The following RAP1GDS1 variants were observed in gnomAD, a reference collection of about 807,000 sequenced individuals.
The protein encoded by RAP1GDS1 is RAP1, GTP-GDP dissociation stimulator 1.
RAP1GDS1 carries 35 observed loss-of-function variants against 71.1 expected under a neutral mutation model. The observed-to-expected ratio is 0.49, with a 90% confidence interval of 0.38 to 0.65. RAP1GDS1 has a LOEUF of 0.65. Ranked by LOEUF, RAP1GDS1 falls within the 30% of genes least tolerant of loss-of-function variation. The pLI is 0.00. For missense variants in RAP1GDS1, 663 were observed against 706.1 expected, an observed-to-expected ratio of 0.94 and a Z score of 0.69; for synonymous variants, 229 against 243.1, an observed-to-expected ratio of 0.94 and a Z score of 0.54.
rs115697881 is a variant in RAP1GDS1 at position 98,353,581 on chromosome 4, C to T, written c.361+980C>T. ...GTTATAACTCATATATAGCAGTAGT[C>T]GTAAAGCTAGCCTCATTTATTCTCC... On this transcript the variant is annotated intron_variant, in intron 4 of 14. Coordinates refer to ENST00000408927, the MANE Select transcript of RAP1GDS1 (RefSeq NM_001100427.2). 6.3e-3 allele frequency among the ~76,000 whole-genome samples: 952 copies of T among 152,184 alleles called. 9 individuals are homozygous for T. Among genetic ancestry groups the T allele is most frequent in the African/African-American group, 0.022 (893 of 41,532 alleles).
intron 3 of RAP1GDS1, among the ~76,000 whole-genome samples, chr4:98,343,524 A>G (rs1372861722): frequency 1.3e-5 from 2 of 152,100 alleles, no homozygotes; most frequent in Non-Finnish European, 2.9e-5. Context: ...GTTATTTATT[A>G]CTTTGGGTAT....
intron 2 of RAP1GDS1, among the ~76,000 whole-genome samples, chr4:98,329,568 T>C (rs1256784275): frequency 6.6e-6 from 1 of 152,040 alleles, no homozygotes; most frequent in Admixed American, 6.5e-5. Flanking sequence ...GGCAGGCAGA[T>C]CACGAGGTCA....
intron 7 of RAP1GDS1, among the ~76,000 whole-genome samples, chr4:98,411,190 T>C (rs1166214385): frequency 2.0e-5 from 3 of 152,258 alleles, no homozygotes; most frequent in Non-Finnish European, 4.4e-5. Flanking sequence ...TTTTGGTAAA[T>C]GTGCTGGGCT....
intron 4 of RAP1GDS1, among the ~76,000 whole-genome samples, chr4:98,372,171 G>A (rs1740480563): frequency 6.6e-6 from 1 of 151,162 alleles, no homozygotes; most frequent in African/African-American, 2.4e-5. Context: ...TTTTTTTATT[G>A]TTTGTTTTTG....
At chr4:98,261,710 A>C (rs1175027066) in intron 1 of RAP1GDS1, 141 bp downstream of exon 1, 1 of 1,149,724 alleles carries the variant, frequency 8.7e-7, no homozygotes, top group African/African-American at 1.6e-5. Context: ...CTCCGGGGAG[A>C]GTCGGCGCAC....
intron 12 of RAP1GDS1, among the ~76,000 whole-genome samples, chr4:98,431,547 G>C (rs1458389547): frequency 6.6e-6 from 1 of 152,186 alleles, no homozygotes; most frequent in East Asian, 1.9e-4. Context: ...ACTGCATAAA[G>C]CATCTCCAGA....
At chr4:98,393,165 A>G (rs530366923) in intron 6 of RAP1GDS1, among the ~76,000 whole-genome samples, 3 of 152,362 alleles carry the variant, frequency 2.0e-5, no homozygotes, top group Non-Finnish European at 2.9e-5. Context: ...ACCACATTCT[A>G]TAAATAAAAG....
intron 4 of RAP1GDS1, among the ~76,000 whole-genome samples, chr4:98,375,422 T>C (rs1328580793): frequency 2.0e-5 from 3 of 152,148 alleles, no homozygotes; most frequent in Non-Finnish European, 4.4e-5. Context: ...AACTTAAACA[T>C]AGATTGAAGG....
intron 5 of RAP1GDS1, among the ~76,000 whole-genome samples, chr4:98,390,911 A>T (rs982217263): frequency 4.6e-5 from 7 of 152,122 alleles, no homozygotes; most frequent in African/African-American, 1.7e-4. Context: ...AAATTTGTTT[A>T]GTCTTTAGAT....
intron 1 of RAP1GDS1, among the ~76,000 whole-genome samples, chr4:98,283,650 C>T (rs1041302398): frequency 1.4e-4 from 22 of 152,262 alleles, no homozygotes; most frequent in South Asian, 1.2e-3. Context: ...GCCCCTAATA[C>T]AGCTTCTTGG....
rs191502793 is a variant in RAP1GDS1 at position 98,294,115 on chromosome 4, A to G, written c.112+600A>G. Among the ~76,000 whole-genome samples the G allele has an allele frequency of 1.6e-3, 246 of 152,116 alleles. 1 individual carries two copies. Among genetic ancestry groups the G allele is most frequent in the African/African-American group, 4.8e-3 (199 of 41,520 alleles). ...AGTTCTTCATTGACCATTGTGTTGC[A>G]TTTTATTTATCCTATTTCTAGTCAC... On this transcript the variant is annotated intron_variant, in intron 2 of 14. Transcript: ENST00000408927.
rs1324034711 is a variant in RAP1GDS1 at position 98,442,346 on chromosome 4, TC to T, written c.*231del. 1 of 454,678 alleles carries T rather than the reference TC, an allele frequency of 2.2e-6. No individual in the cohort carries two copies. Among genetic ancestry groups the T allele is most frequent in the African/African-American group, 1.9e-5 (1 of 51,610 alleles). The allele number at this position is 454,678 out of a possible 1,614,324, so 28.2% of individuals were successfully genotyped here. ...TCCACCCATAACCGTTCTCTTGTAT[TC>T]CTGTTGCTTGAGCTACATTAAGTAG... On this transcript the variant is annotated 3_prime_UTR_variant, in exon 15 of 15. Coordinates refer to ENST00000408927, the MANE Select transcript of RAP1GDS1 (RefSeq NM_001100427.2).
intron 2 of RAP1GDS1, among the ~76,000 whole-genome samples, chr4:98,299,453 C>CT (rs1398120289): frequency 2.6e-5 from 4 of 152,120 alleles, no homozygotes; most frequent in Non-Finnish European, 5.9e-5. Context: ...TTATGGATGA[C>CT]TTTGAGTAGT....
chr4:98,274,936 A>G (rs1723985498), intron 1 of RAP1GDS1, among the ~76,000 whole-genome samples: 1 of 152,074 alleles, frequency 6.6e-6, no homozygotes, highest in Admixed American at 6.6e-5. Flanking sequence ...AGCCAAATAC[A>G]ATTTAATTAA....
chr4:98,397,414 A>C (rs1744699421), intron 6 of RAP1GDS1, among the ~76,000 whole-genome samples: 1 of 152,102 alleles, frequency 6.6e-6, no homozygotes, highest in African/African-American at 2.4e-5. Flanking sequence ...AGGAAGATTG[A>C]TTGCAGCAGG....
intron 2 of RAP1GDS1, 117 bp downstream of exon 2, chr4:98,293,632 A>G: frequency 1.4e-6 from 1 of 739,754 alleles, no homozygotes; most frequent in Non-Finnish European, 2.3e-6. Flanking sequence ...AATTCTTTTG[A>G]ATCATATCCC....
At chr4:98,410,500 C>T (rs1325576677) in intron 7 of RAP1GDS1, among the ~76,000 whole-genome samples, 4 of 152,072 alleles carry the variant, frequency 2.6e-5, no homozygotes, top group Non-Finnish European at 5.9e-5. Flanking sequence ...TCCAACAATT[C>T]TGCTCTTAGA....
chr4:98,292,575 A>G (rs1213992677), intron 1 of RAP1GDS1, among the ~76,000 whole-genome samples: 1 of 147,074 alleles, frequency 6.8e-6, no homozygotes. Context: ...AAAAGAAAAA[A>G]AAAAAACAAT....
Position 98,405,233 on chromosome 4 carries a change from G to T in RAP1GDS1, c.763+631G>T, listed in dbSNP as rs1745953700. Among the ~76,000 whole-genome samples, 2 of 151,624 alleles carry T rather than the reference G, an allele frequency of 1.3e-5. 1 individual carries two copies. Among genetic ancestry groups the T allele is most frequent in the South Asian group, 4.1e-4 (2 of 4,824 alleles). ...AAAAGCTAGCTTAAATAATTTAGAA[G>T]GAAACTAAAAACTATTTTTAAAAAG... On this transcript the variant is annotated intron_variant, in intron 7 of 14. Transcript: ENST00000408927.
Sources: allele counts gnomAD v4.1 joint callset (sites outside exome capture counted in the v4.1 genomes callset), GRCh38; gene constraint gnomAD v4.1.1; transcripts MANE v1.5; gene names NCBI Gene and HGNC (gene_info 2026-07-23, HGNC 2026-07-21).